Variants in TXNDC15 observed in about 807,000 individuals in gnomAD.
The protein encoded by TXNDC15 is thioredoxin domain containing 15.
A neutral mutation model predicts 35.0 loss-of-function variants in TXNDC15; 24 were observed. The ratio of observed to expected loss-of-function variants is 0.68; its 90% CI spans 0.50 to 0.96. TXNDC15 has a LOEUF of 0.96. Ranked by LOEUF, TXNDC15 falls within the 40% of genes least tolerant of loss-of-function variation. TXNDC15 has a pLI of 0.00. For synonymous variants in TXNDC15, 169 were observed against 174.0 expected, an observed-to-expected ratio of 0.97 and a Z score of 0.23; for missense variants, 385 against 453.3, an observed-to-expected ratio of 0.85 and a Z score of 1.37.
rs1469910084 is a variant in TXNDC15 at position 134,881,199 on chromosome 5, A to ATTTATTTT, written c.104-6493_104-6492insATTTTTTT. On this transcript the variant is annotated intron_variant, in intron 1 of 4. Transcript: ENST00000358387. Reference sequence around the variant, plus strand: ...TATTTATTTATTTATTTATTTATTTATTTTTTTATTGATCATTCTTGGGTG... The same window carrying ATTTATTTT: ...TATTTATTTATTTATTTATTTATTTATTTATTTTTTTTTTTATTGATCATTCTTGGGTG... Among the ~76,000 whole-genome samples the ATTTATTTT allele has an allele frequency of 3.2e-3, 426 of 132,490 alleles. 2 individuals are homozygous for ATTTATTTT. The highest frequency in any genetic ancestry group is 0.011 in the African/African-American group (399 of 35,476). 86.9% of individuals were successfully genotyped at this position (132,490 alleles called of 152,430 possible). A position where few individuals can be genotyped will look rare whatever the true frequency, so the allele number is the denominator to read the frequency against.
intron 1 of TXNDC15, among the ~76,000 whole-genome samples, chr5:134,876,485 A>G (rs1026635878): frequency 1.3e-5 from 2 of 151,990 alleles, no homozygotes; most frequent in African/African-American, 4.8e-5. Context: ...CTCCTCCTCT[A>G]CTGTTACTGG....
At chr5:134,894,965 A>G (rs1022662499) in intron 3 of TXNDC15, among the ~76,000 whole-genome samples, 7 of 152,050 alleles carry the variant, frequency 4.6e-5, no homozygotes, top group Non-Finnish European at 1.5e-5. Flanking sequence ...CTTGAGCCCA[A>G]GAGTTTGAGA....
intron 1 of TXNDC15, chr5:134,874,959 C>T (rs1345102636): frequency 2.7e-6 from 1 of 364,436 alleles, no homozygotes; most frequent in Non-Finnish European, 5.4e-6. Flanking sequence ...CTCCCACAAA[C>T]CCTGTCAGAT....
intron 2 of TXNDC15, chr5:134,892,871 C>T (rs1750415301): frequency 6.6e-6 from 1 of 152,536 alleles, no homozygotes; most frequent in Admixed American, 6.5e-5. Flanking sequence ...AGAACATAGA[C>T]ATTTACTGAT....
chr5:134,881,939 G>T (rs573442653), intron 1 of TXNDC15, among the ~76,000 whole-genome samples: 1 of 150,198 alleles, frequency 6.7e-6, no homozygotes, highest in East Asian at 2.0e-4. Context: ...TGGCCAGGTG[G>T]GGGGCTGACC....
chr5:134,875,299 C>G (rs1211746506), intron 1 of TXNDC15: 1 of 456,240 alleles, frequency 2.2e-6, no homozygotes, highest in Non-Finnish European at 4.4e-6. Context: ...GACCCTCGGT[C>G]TCGCTTGTCA....
intron 1 of TXNDC15, among the ~76,000 whole-genome samples, chr5:134,878,573 G>C (rs1343267338): frequency 6.6e-6 from 1 of 152,214 alleles, no homozygotes; most frequent in Non-Finnish European, 1.5e-5. Flanking sequence ...GGGTGTGAAG[G>C]TGCTGACCTA....
intron 1 of TXNDC15, among the ~76,000 whole-genome samples, chr5:134,885,335 A>G (rs1750255048): frequency 6.6e-6 from 1 of 152,190 alleles, no homozygotes; most frequent in Non-Finnish European, 1.5e-5. Flanking sequence ...TTTAGGGTTA[A>G]TAGTGTCCCA....
rs1750592487 is a variant in TXNDC15 at position 134,901,076 on chromosome 5, CTG to C, written c.*1392_*1393del. The C allele has an allele frequency of 6.6e-6, 1 of 152,216 alleles. No homozygotes were observed. The allele number at this position is 152,216 out of a possible 1,614,324, so 9.4% of individuals were successfully genotyped here. On this transcript the variant is annotated 3_prime_UTR_variant, in exon 5 of 5. Coordinates refer to ENST00000358387, the MANE Select transcript of TXNDC15 (RefSeq NM_024715.4). ...GTGTTGGGATTACAGGTGTGAGCCACTGCGCCTGGCCTAAACAAACTTTTTGA... is the reference window on the plus strand; with the variant it reads ...GTGTTGGGATTACAGGTGTGAGCCACCGCCTGGCCTAAACAAACTTTTTGA...
intron 4 of TXNDC15, 89 bp downstream of exon 4, chr5:134,896,513 G>C: frequency 2.7e-6 from 4 of 1,508,570 alleles, no homozygotes; most frequent in Non-Finnish European, 3.6e-6. Context: ...TAATCCTTAA[G>C]TGAAGGATTC....
chr5:134,879,404 G>A (rs1368209078), intron 1 of TXNDC15, among the ~76,000 whole-genome samples: 1 of 152,158 alleles, frequency 6.6e-6, no homozygotes, highest in East Asian at 1.9e-4. Context: ...GGTAGCAAGA[G>A]CAAATCTCTG....
rs1750485781 is a variant in TXNDC15, at chr5:134,896,214, G to T, written c.756-80G>T. 3 of 1,490,736 alleles carry T rather than the reference G, an allele frequency of 2.0e-6. No individual in the cohort carries two copies. The South Asian group carries it at 3.9e-5, about 19-fold the overall frequency. The allele number at this position is 1,490,736 out of a possible 1,614,324, so 92.3% of individuals were successfully genotyped here. A position where few individuals can be genotyped will look rare whatever the true frequency, so the allele number is the denominator to read the frequency against. On this transcript the variant is annotated intron_variant, in intron 3 of 4. Transcript: ENST00000358387. ...ACACGCAACTTCCTCATTTATTTCT[G>T]TCTATTCTGAGATGGTAATTGTATG...
intron 2 of TXNDC15, among the ~76,000 whole-genome samples, chr5:134,890,165 G>T (rs1241485698): frequency 6.6e-6 from 1 of 151,884 alleles, no homozygotes; most frequent in Non-Finnish European, 1.5e-5. Context: ...CAAGTAGCTG[G>T]GAATACAGGC....
In TXNDC15 at chr5:134,893,612, C is replaced by G; in HGVS notation, c.712C>G (p.Pro238Ala). ...CTTTAACTCTCTGCCCCGGGCATTT[C>G]CAGCTCTTCACTTTTTGGCACTGGA... The part of the protein sequence containing the change: ...PHFNSLPRAF[P>A]ALHFLALDAS... The change falls in exon 3 of 5, where the codon CCA becomes GCA. Residue 238 changes from proline to alanine, a missense_variant. Pro to Ala is a conservative substitution (Grantham distance 27, BLOSUM62 -1). Coordinates refer to ENST00000358387, the MANE Select transcript of TXNDC15 (RefSeq NM_024715.4). 1 of 1,614,198 alleles carries G rather than the reference C, an allele frequency of 6.2e-7. No individual in the cohort carries two copies. Among genetic ancestry groups the G allele is most frequent in the Non-Finnish European group, 8.5e-7 (1 of 1,180,040 alleles).
intron 1 of TXNDC15, among the ~76,000 whole-genome samples, chr5:134,879,704 C>G (rs1159685190): frequency 6.6e-6 from 1 of 152,108 alleles, no homozygotes; most frequent in Non-Finnish European, 1.5e-5. Flanking sequence ...CACAGAAGTG[C>G]TTGACCTTCT....
intron 2 of TXNDC15, 173 bp from the exon 3 acceptor site, chr5:134,893,319 T>C: frequency 1.6e-6 from 1 of 611,046 alleles, no homozygotes; most frequent in Admixed American, 3.1e-5. Context: ...ACTTTTTTGC[T>C]GGTTCCTGGA....
At chr5:134,882,698 G>C (rs1023858622) in intron 1 of TXNDC15, among the ~76,000 whole-genome samples, 9 of 152,176 alleles carry the variant, frequency 5.9e-5, no homozygotes, top group African/African-American at 2.2e-4. Context: ...AAACCAGTCA[G>C]GCGTGGCGGC....
rs1477668969 is a variant in TXNDC15, at chr5:134,901,199, T to C, written c.*1514T>C. 6.6e-6 allele frequency: 1 copy of C among 152,166 alleles called. No individual in the cohort carries two copies. The highest frequency in any genetic ancestry group is 1.9e-4 in the East Asian group (1 of 5,206). 9.4% of individuals were successfully genotyped at this position (152,166 alleles called of 1,614,324 possible). On this transcript the variant is annotated 3_prime_UTR_variant, in exon 5 of 5. Transcript: ENST00000358387. ...ACTAATTGTTTCCAGGGTTTTAGAG[T>C]AGTTGAATGTTTATTTCACAAGGCA...
chr5:134,899,171 C>T (rs1179772594), intron 4 of TXNDC15, among the ~76,000 whole-genome samples: 1 of 152,080 alleles, frequency 6.6e-6, no homozygotes, highest in Non-Finnish European at 1.5e-5. Flanking sequence ...ACTTACTGAA[C>T]TTTGGTCTCA....
Sources: allele counts gnomAD v4.1 joint callset (sites outside exome capture counted in the v4.1 genomes callset), GRCh38; gene constraint gnomAD v4.1.1; transcripts MANE v1.5; gene names NCBI Gene and HGNC (gene_info 2026-07-23, HGNC 2026-07-21).